Variants in CCSER1 observed in about 807,000 individuals in gnomAD.
The protein encoded by CCSER1 is coiled-coil serine rich protein 1.
CCSER1 carries 41 observed loss-of-function variants against 82.0 expected under a neutral mutation model. The observed-to-expected ratio is 0.50, with a 90% CI of 0.39 to 0.65. The LOEUF (loss-of-function observed/expected upper bound fraction) is 0.65. CCSER1 is among the 30% of genes least tolerant of loss of function. The pLI is 0.00. For missense variants in CCSER1, 1,119 were observed against 1,064.2 expected (o/e 1.05, Z -0.72); for synonymous variants, 414 against 383.9 (o/e 1.08, Z -0.92).
At chr4:90,399,240 T>C (rs1752456773) in intron 3 of CCSER1, among the ~76,000 whole-genome samples, 2 of 152,140 alleles carry the variant, frequency 1.3e-5, no homozygotes, top group South Asian at 2.1e-4. Context: ...CACATTACCA[T>C]CTCTTCTCAA....
chr4:90,685,432 G>A (rs113526410), intron 6 of CCSER1, among the ~76,000 whole-genome samples: 27 of 152,270 alleles, frequency 1.8e-4, no homozygotes, highest in African/African-American at 6.0e-4. Context: ...ATTTAAGGAT[G>A]TAATGGATAT....
intron 5 of CCSER1, among the ~76,000 whole-genome samples, chr4:90,580,273 C>G (rs988419589): frequency 3.9e-5 from 6 of 152,232 alleles, no homozygotes; most frequent in Non-Finnish European, 4.4e-5. Context: ...AGGTTCTCCT[C>G]CTTACTAATT....
At chr4:90,531,808 A>G (rs1473091429) in intron 5 of CCSER1, among the ~76,000 whole-genome samples, 1 of 152,196 alleles carries the variant, frequency 6.6e-6, no homozygotes, top group Admixed American at 6.5e-5. Flanking sequence ...CCTTTTCACA[A>G]GACTCAGCTA....
At chr4:90,832,305 G>A (rs963652066) in intron 8 of CCSER1, among the ~76,000 whole-genome samples, 1 of 152,020 alleles carries the variant, frequency 6.6e-6, no homozygotes, top group Admixed American at 6.6e-5. Flanking sequence ...TACAGCTATA[G>A]GTGTAGATAC....
chr4:90,996,754 A>T (rs1353389841), intron 9 of CCSER1, among the ~76,000 whole-genome samples: 2 of 152,176 alleles, frequency 1.3e-5, no homozygotes, highest in African/African-American at 4.8e-5. Flanking sequence ...AAATGAAATC[A>T]TATATTATAT....
At chr4:90,894,345 G>A (rs1426594932) in intron 8 of CCSER1, among the ~76,000 whole-genome samples, 1 of 151,858 alleles carries the variant, frequency 6.6e-6, no homozygotes, top group Non-Finnish European at 1.5e-5. Context: ...AGCAGTCAAA[G>A]GAAATAGTTG....
intron 10 of CCSER1, among the ~76,000 whole-genome samples, chr4:91,483,206 T>C (rs996716959): frequency 6.6e-6 from 1 of 151,366 alleles, no homozygotes; most frequent in Admixed American, 6.6e-5. Flanking sequence ...TCTGATAAAA[T>C]AGAAGAATGT....
intron 9 of CCSER1, among the ~76,000 whole-genome samples, chr4:91,062,843 C>T (rs1744074502): frequency 6.6e-6 from 1 of 152,002 alleles, no homozygotes; most frequent in Non-Finnish European, 1.5e-5. Context: ...CTGGTATAGA[C>T]TCTGAAATAT....
At chr4:91,165,738 A>G (rs1253362981) in intron 10 of CCSER1, among the ~76,000 whole-genome samples, 3 of 152,248 alleles carry the variant, frequency 2.0e-5, no homozygotes, top group African/African-American at 7.2e-5. Flanking sequence ...CCGCCAAACC[A>G]GGCGTGGGAT....
intron 10 of CCSER1, among the ~76,000 whole-genome samples, chr4:91,336,094 G>T (rs115647337): frequency 0.014 from 2,168 of 152,158 alleles, 26 homozygotes; most frequent in Non-Finnish European, 0.019. Flanking sequence ...ATAGTAAGAG[G>T]AAAAGTTATT....
chr4:90,941,424 CAT>C (rs1731571486), intron 9 of CCSER1, among the ~76,000 whole-genome samples: 1 of 152,042 alleles, frequency 6.6e-6, no homozygotes, highest in Non-Finnish European at 1.5e-5. Flanking sequence ...TTGTGACACA[CAT>C]AAAAACTTCC....
intron 8 of CCSER1, among the ~76,000 whole-genome samples, chr4:90,835,745 A>G: frequency 6.6e-6 from 1 of 152,298 alleles, no homozygotes; most frequent in African/African-American, 2.4e-5. Context: ...ATCTCCAACT[A>G]GAATATAGTT....
chr4:91,396,199 C>G (rs918983001), intron 10 of CCSER1, among the ~76,000 whole-genome samples: 1 of 152,064 alleles, frequency 6.6e-6, no homozygotes, highest in Non-Finnish European at 1.5e-5. Context: ...TTACTCCAAA[C>G]TAAATGTGTA....
chr4:91,569,701 C>T (rs994032438), intron 10 of CCSER1, among the ~76,000 whole-genome samples: 1 of 152,076 alleles, frequency 6.6e-6, no homozygotes, highest in East Asian at 1.9e-4. Context: ...AATTATCTCC[C>T]ACCAGGTCCC....
intron 5 of CCSER1, among the ~76,000 whole-genome samples, chr4:90,574,441 TG>T (rs1268335648): frequency 6.6e-6 from 1 of 150,458 alleles, no homozygotes; most frequent in Non-Finnish European, 1.5e-5. Context: ...GCTAATTTTT[TG>T]TATTTTTAGT....
At chr4:90,158,021 T>A (rs1728628969) in intron 1 of CCSER1, among the ~76,000 whole-genome samples, 1 of 152,210 alleles carries the variant, frequency 6.6e-6, no homozygotes, top group South Asian at 2.1e-4. Context: ...ACTTTTGGTC[T>A]TTGATGATGG....
At chr4:91,446,366 A>G (rs1165552020) in intron 10 of CCSER1, among the ~76,000 whole-genome samples, 3 of 152,072 alleles carry the variant, frequency 2.0e-5, no homozygotes, top group African/African-American at 7.2e-5. Context: ...CAAGTTTTCT[A>G]TACAGTGAGA....
At chr4:90,473,684 A>G (rs1348506178) in intron 5 of CCSER1, among the ~76,000 whole-genome samples, 1 of 152,154 alleles carries the variant, frequency 6.6e-6, no homozygotes, top group African/African-American at 2.4e-5. Context: ...TGAATAGTAT[A>G]TGTTAGATTT....
intron 1 of CCSER1, among the ~76,000 whole-genome samples, chr4:90,136,481 C>G (rs1414615729): frequency 6.6e-6 from 1 of 152,126 alleles, no homozygotes; most frequent in African/African-American, 2.4e-5. Flanking sequence ...ATTTATGTAC[C>G]TATTCACTGA....
Sources: allele counts gnomAD v4.1 joint callset (sites outside exome capture counted in the v4.1 genomes callset), GRCh38; gene constraint gnomAD v4.1.1; transcripts MANE v1.5; gene names NCBI Gene and HGNC (gene_info 2026-07-23, HGNC 2026-07-21).